The following DPP6 variants were observed in gnomAD, a reference collection of about 807,000 sequenced individuals.
The protein encoded by DPP6 is A-type potassium channel modulatory protein DPP6.
In DPP6, 69 loss-of-function variants were observed where a neutral mutation model predicts 122.6. The observed-to-expected ratio is 0.56, with a 90% CI of 0.46 to 0.69. The LOEUF (loss-of-function observed/expected upper bound fraction) is 0.69, where lower values mean the gene tolerates loss of function less well. Ranked by LOEUF, DPP6 falls within the 30% of genes least tolerant of loss-of-function variation. The pLI is 0.00. For synonymous variants in DPP6, 418 were observed against 433.1 expected (o/e 0.97, Z 0.43); for missense variants, 928 against 1,116.9 (o/e 0.83, Z 2.41).
chr7:154,067,645 T>C (rs1290979808), intron 1 of DPP6, among the ~76,000 whole-genome samples: 1 of 152,148 alleles, frequency 6.6e-6, no homozygotes, highest in Admixed American at 6.5e-5. Context: ...ATTTGAAAAT[T>C]GGAAGCAGAC....
chr7:154,609,416 A>G (rs574307431), intron 5 of DPP6, among the ~76,000 whole-genome samples: 11 of 152,140 alleles, frequency 7.2e-5, no homozygotes, highest in African/African-American at 2.7e-4. Context: ...TAGGGGATTT[A>G]CTCTGTAGAC....
chr7:154,053,142 T>A, intron 1 of DPP6, 79 bp downstream of exon 1: 1 of 828,196 alleles, frequency 1.2e-6, no homozygotes, highest in Non-Finnish European at 1.5e-6. Flanking sequence ...GCAGGGGAAA[T>A]TTTTTTTGGG....
chr7:154,718,154 C>G (rs974811812), intron 7 of DPP6, among the ~76,000 whole-genome samples: 1 of 152,112 alleles, frequency 6.6e-6, no homozygotes, highest in Admixed American at 6.5e-5. Context: ...GATACTAACC[C>G]CTCGTCAGAT....
intron 7 of DPP6, among the ~76,000 whole-genome samples, chr7:154,714,535 A>T (rs75785787): frequency 0.026 from 3,965 of 152,290 alleles, 182 homozygotes; most frequent in African/African-American, 0.091. Flanking sequence ...AGAGGGAATG[A>T]GTGCCCAGCA....
chr7:153,790,214 A>G, the DPP6 span, among the ~76,000 whole-genome samples: 3 of 152,086 alleles, frequency 2.0e-5, no homozygotes, highest in Admixed American at 1.3e-4. Context: ...GATCTTGGAG[A>G]CAATATATAA....
rs564670674 is a variant in DPP6 at position 154,875,433 on chromosome 7, G to A, written c.1884-473G>A. ...ATATGGCGGGTTTGCTGTTACTTCC[G>A]ACTTAACAAGAGACAGACCACGTCT... is the stretch of plus-strand genomic sequence containing the variant. On this transcript the variant is annotated intron_variant, in intron 19 of 25. Transcript: ENST00000377770. The surrounding 1 kb of genome is among the most constrained non-coding windows in gnomAD (Gnocchi z 4.5). 3.7e-4 allele frequency among the ~76,000 whole-genome samples: 56 copies of A among 152,292 alleles called. No individual in the cohort carries two copies. The highest frequency in any genetic ancestry group is 6.2e-4 in the Non-Finnish European group (42 of 68,022).
chr7:154,273,673 C>G (rs1249945662), intron 1 of DPP6, among the ~76,000 whole-genome samples: 1 of 152,146 alleles, frequency 6.6e-6, no homozygotes, highest in African/African-American at 2.4e-5. Context: ...ACTACAATTT[C>G]AAAGTCAAAT....
intron 2 of DPP6, among the ~76,000 whole-genome samples, chr7:154,463,487 G>T (rs917538914): frequency 6.6e-6 from 1 of 152,042 alleles, no homozygotes; most frequent in Non-Finnish European, 1.5e-5. Flanking sequence ...GATTACAGGC[G>T]TGAGCCACCG....
At chr7:154,181,704 TA>T in intron 1 of DPP6, among the ~76,000 whole-genome samples, 1 of 152,170 alleles carries the variant, frequency 6.6e-6, no homozygotes. Context: ...TTTGCCATTT[TA>T]AAAACACTTG....
chr7:153,866,010 T>C, the DPP6 span, among the ~76,000 whole-genome samples: 1 of 152,156 alleles, frequency 6.6e-6, no homozygotes, highest in East Asian at 1.9e-4. Context: ...GCATAGTATT[T>C]CATGGTGTAT....
intron 1 of DPP6, among the ~76,000 whole-genome samples, chr7:154,221,349 C>G (rs1326433512): frequency 6.6e-6 from 1 of 152,136 alleles, no homozygotes; most frequent in Non-Finnish European, 1.5e-5. Flanking sequence ...CCATGTTGGC[C>G]AGGCTGGTCT....
At chr7:154,340,757 C>T (rs1393632088) in intron 1 of DPP6, among the ~76,000 whole-genome samples, 1 of 152,102 alleles carries the variant, frequency 6.6e-6, no homozygotes, top group African/African-American at 2.4e-5. Context: ...GCAATTAATA[C>T]AGCCACCACC....
the DPP6 span, among the ~76,000 whole-genome samples, chr7:153,807,265 T>C: frequency 2.0e-5 from 3 of 151,522 alleles, no homozygotes; most frequent in Admixed American, 1.3e-4. Context: ...ATACAAAAAT[T>C]AGCCAGGCAT....
intron 8 of DPP6, among the ~76,000 whole-genome samples, chr7:154,740,053 A>C (rs1208833470): frequency 6.6e-6 from 1 of 152,222 alleles, no homozygotes; most frequent in Non-Finnish European, 1.5e-5. Context: ...TAAAGGGAGA[A>C]TGTTCTCTAA....
intron 10 of DPP6, among the ~76,000 whole-genome samples, chr7:154,783,386 G>A (rs1455861613): frequency 2.6e-5 from 4 of 152,148 alleles, no homozygotes; most frequent in Non-Finnish European, 5.9e-5. Context: ...TACAGTCATG[G>A]TGGTGCCAAT....
At chr7:154,458,168 T>C (rs1305523447) in intron 2 of DPP6, among the ~76,000 whole-genome samples, 8 of 152,150 alleles carry the variant, frequency 5.3e-5, no homozygotes, top group Non-Finnish European at 8.8e-5. Context: ...TCATCTTGAA[T>C]TGTAGCTCCC....
rs1798610250 is a variant in DPP6, at chr7:154,805,040, C to G, written c.1547+76C>G. On this transcript the variant is annotated intron_variant, in intron 15 of 25. Transcript: ENST00000377770. ...CAGGCTTTGCAGAATTGCACCTTTT[C>G]AGCAGTTCGGAAAGGGCGGCAGCAA... 61 of 1,527,320 alleles carry G rather than the reference C, an allele frequency of 4.0e-5. No individual in the cohort carries two copies. The South Asian group carries it at 7.2e-4, about 18-fold the overall frequency. 94.6% of individuals were successfully genotyped at this position (1,527,320 alleles called of 1,614,324 possible). A position where few individuals can be genotyped will look rare whatever the true frequency, so the allele number is the denominator to read the frequency against.
At chr7:154,113,828 G>A (rs1387716661) in intron 1 of DPP6, among the ~76,000 whole-genome samples, 2 of 152,100 alleles carry the variant, frequency 1.3e-5, no homozygotes, top group African/African-American at 4.8e-5. Flanking sequence ...ACCATTTTTG[G>A]AAGAGACTGT....
chr7:154,572,483 G>A (rs955372459), intron 5 of DPP6, among the ~76,000 whole-genome samples: 1 of 145,010 alleles, frequency 6.9e-6, no homozygotes, highest in African/African-American at 2.5e-5. Flanking sequence ...GTAATTCTGA[G>A]TATATGAGTT....
Sources: allele counts gnomAD v4.1 joint callset (sites outside exome capture counted in the v4.1 genomes callset), GRCh38; gene constraint gnomAD v4.1.1; non-coding constraint Gnocchi (gnomAD v3.1); transcripts MANE v1.5; gene names NCBI Gene and HGNC (gene_info 2026-07-23, HGNC 2026-07-21).